SORCS3: variants seen among roughly 807,000 people sequenced by gnomAD.
The protein encoded by SORCS3 is sortilin related VPS10 domain containing receptor 3.
A neutral mutation model predicts 146.3 loss-of-function variants in SORCS3; 57 were observed. The ratio of observed to expected loss-of-function variants is 0.39; its 90% CI spans 0.31 to 0.49. The LOEUF (loss-of-function observed/expected upper bound fraction) is 0.49. Among genes scored for constraint, SORCS3 ranks in the 20% least tolerant of loss-of-function variants. The pLI is 0.92. For synonymous variants in SORCS3, 653 were observed against 618.5 expected (o/e 1.06, Z -0.83); for missense variants, 1,341 against 1,575.5 (o/e 0.85, Z 2.52).
At chr10:105,087,292 T>A (rs193211974) in intron 5 of SORCS3, among the ~76,000 whole-genome samples, 14 of 152,312 alleles carry the variant, frequency 9.2e-5, no homozygotes, top group African/African-American at 3.4e-4. Context: ...TCTATATATC[T>A]GTTTAGGTAC....
intron 1 of SORCS3, among the ~76,000 whole-genome samples, chr10:104,785,886 A>G (rs1044691368): frequency 5.3e-5 from 8 of 152,166 alleles, no homozygotes; most frequent in African/African-American, 1.9e-4. Flanking sequence ...AAAAATGCAT[A>G]CTGATGCATG....
chr10:104,970,841 T>C (rs1254370169), intron 3 of SORCS3, among the ~76,000 whole-genome samples: 3 of 150,190 alleles, frequency 2.0e-5, no homozygotes, highest in Non-Finnish European at 2.9e-5. Context: ...AATACTAATA[T>C]ATGCTCTGGG....
At chr10:105,245,692 G>T (rs1326404493) in intron 21 of SORCS3, 27 bp downstream of exon 21, 32 of 1,609,998 alleles carry the variant, frequency 2.0e-5, no homozygotes, top group Non-Finnish European at 2.6e-5. Context: ...GTTCTGTGAT[G>T]CTCCTTCCCG....
chr10:105,232,258 TGA>T (rs2056769844), intron 20 of SORCS3, among the ~76,000 whole-genome samples: 1 of 152,148 alleles, frequency 6.6e-6, no homozygotes, highest in African/African-American at 2.4e-5. Flanking sequence ...TCATCCTGTG[TGA>T]GTTTTAACAG....
chr10:104,686,899 A>G (rs564194163), intron 1 of SORCS3, among the ~76,000 whole-genome samples: 2 of 151,682 alleles, frequency 1.3e-5, no homozygotes, highest in East Asian at 2.0e-4. Flanking sequence ...GCATCCATGC[A>G]TCCGTCTTTC....
chr10:104,898,529 A>T (rs555315392), intron 2 of SORCS3, among the ~76,000 whole-genome samples: 8 of 152,150 alleles, frequency 5.3e-5, no homozygotes, highest in African/African-American at 1.9e-4. Context: ...TCACTGTTAT[A>T]TTCCTGTGGC....
intron 3 of SORCS3, among the ~76,000 whole-genome samples, chr10:104,960,239 C>T (rs1004779021): frequency 2.0e-5 from 3 of 152,106 alleles, no homozygotes; most frequent in Admixed American, 2.0e-4. Flanking sequence ...ATATTTACTC[C>T]CAAGATTGTT....
intron 2 of SORCS3, among the ~76,000 whole-genome samples, chr10:104,874,000 A>G (rs1307030882): frequency 6.6e-6 from 1 of 152,178 alleles, no homozygotes; most frequent in Non-Finnish European, 1.5e-5. Flanking sequence ...TCAGGTTATT[A>G]TTGTAATACA....
chr10:104,948,726 GA>G (rs2019398481), intron 3 of SORCS3, among the ~76,000 whole-genome samples: 2 of 152,182 alleles, frequency 1.3e-5, no homozygotes, highest in South Asian at 4.1e-4. Flanking sequence ...AAGGAGTGAA[GA>G]TTTGATGTGC....
chr10:105,008,637 G>GT (rs920208182), intron 4 of SORCS3, among the ~76,000 whole-genome samples: 52 of 152,192 alleles, frequency 3.4e-4, no homozygotes, highest in Admixed American at 2.7e-3. Flanking sequence ...TCAAGCTGAG[G>GT]TTTTTTGTTT....
intron 3 of SORCS3, among the ~76,000 whole-genome samples, chr10:104,940,908 A>C (rs1416959878): frequency 2.6e-5 from 4 of 152,188 alleles, no homozygotes; most frequent in African/African-American, 9.6e-5. Context: ...ATATGGAACC[A>C]AAAAAGAGCC....
intron 13 of SORCS3, among the ~76,000 whole-genome samples, chr10:105,170,791 G>A (rs1308303153): frequency 1.3e-5 from 2 of 152,190 alleles, no homozygotes; most frequent in East Asian, 3.9e-4. Context: ...CTAAGTGAGT[G>A]TTTTGTAAGG....
At chr10:104,708,448 C>T (rs115665563) in intron 1 of SORCS3, among the ~76,000 whole-genome samples, 2,849 of 152,274 alleles carry the variant, frequency 0.019, 111 homozygotes, top group African/African-American at 0.062. Context: ...AGTGAGGTTC[C>T]CTATTCTTCC....
In SORCS3 at chr10:104,903,413, G is replaced by T. The variant is rs186824049; in HGVS notation, c.696-12420G>T. ...GAAATCAGAGGGGACAGGGCAAATT[G>T]TGCTGTAGATATATAAAAACAATAG... On this transcript the variant is annotated intron_variant, in intron 2 of 26. Transcript: ENST00000369701. Among the ~76,000 whole-genome samples, 446 of 152,242 alleles carry T rather than the reference G, an allele frequency of 2.9e-3. 2 individuals are homozygous for T. The highest frequency in any genetic ancestry group is 0.019 in the South Asian group (90 of 4,828).
In SORCS3 at chr10:104,915,836, G is replaced by A. The variant is rs759137947; in HGVS notation, c.699G>A (p.Ser233=). 2.6e-5 allele frequency: 42 copies of A among 1,613,754 alleles called. No homozygotes were observed. Among genetic ancestry groups the A allele is most frequent in the South Asian group, 1.6e-4 (15 of 91,076 alleles). The change falls in exon 3 of 27, where the codon TCG becomes TCA. Residue 233 remains serine, a synonymous_variant. Transcript: ENST00000369701. The part of the protein sequence containing the change: ...GSVTESSLWR[S]TDYGTTYEKL... ...CTGTTTTCTCTTTTACCTGCAGGTC[G>A]ACAGATTATGGCACCACCTATGAAA...
intron 1 of SORCS3, among the ~76,000 whole-genome samples, chr10:104,683,861 C>G (rs190155558): frequency 3.9e-5 from 6 of 152,188 alleles, no homozygotes; most frequent in African/African-American, 1.4e-4. Flanking sequence ...ATATGCTGGG[C>G]TCAGGGCTCT....
chr10:105,214,404 A>G (rs779190377), intron 17 of SORCS3, 38 bp from the exon 18 acceptor site: 13 of 1,611,464 alleles, frequency 8.1e-6, no homozygotes, highest in Admixed American at 3.3e-5. Flanking sequence ...CAACAACACA[A>G]TCAACACAAA....
intron 5 of SORCS3, among the ~76,000 whole-genome samples, chr10:105,086,364 C>G (rs2055660568): frequency 6.6e-6 from 1 of 152,194 alleles, no homozygotes; most frequent in African/African-American, 2.4e-5. Context: ...AAGAGAACAA[C>G]TTAATAATGC....
At chr10:105,172,371 A>C (rs2056367413) in intron 13 of SORCS3, among the ~76,000 whole-genome samples, 1 of 152,186 alleles carries the variant, frequency 6.6e-6, no homozygotes, top group African/African-American at 2.4e-5. Context: ...GGTAGTGTGT[A>C]CTTGGGAACT....
Sources: gnomAD v4.1 joint callset for allele counts (sites outside exome capture counted in the v4.1 genomes callset) on GRCh38, gnomAD v4.1.1 for gene constraint, MANE v1.5 for transcripts, NCBI Gene and HGNC (gene_info 2026-07-23, HGNC 2026-07-21) for gene names.